The following SAMSN1 variants were observed in gnomAD, a reference collection of about 807,000 sequenced individuals.
The protein encoded by SAMSN1 is SAM domain, SH3 domain and nuclear localization signals 1.
SAMSN1 carries 31 observed loss-of-function variants against 42.0 expected under a neutral mutation model. That is an observed-to-expected ratio of 0.74 (90% confidence interval 0.55 to 1.00). SAMSN1 has a LOEUF of 1.00. Among genes scored for constraint, SAMSN1 ranks in the 50% least tolerant of loss-of-function variants. The pLI, the probability that SAMSN1 is intolerant of heterozygous loss-of-function variation, is 0.00. For missense variants in SAMSN1, 464 were observed against 439.4 expected, an observed-to-expected ratio of 1.06 and a Z score of -0.50; for synonymous variants, 178 against 151.9, an observed-to-expected ratio of 1.17 and a Z score of -1.26.
At chr21:14,574,880 CT>C (rs1237721566) in intron 2 of SAMSN1, among the ~76,000 whole-genome samples, 1 of 151,890 alleles carries the variant, frequency 6.6e-6, no homozygotes, top group Non-Finnish European at 1.5e-5. Context: ...ACAAGCTCTT[CT>C]TTATCTAATA....
chr21:14,546,066 G>A (rs901729575), intron 1 of SAMSN1, 139 bp downstream of exon 1: 20 of 673,682 alleles, frequency 3.0e-5, no homozygotes, highest in South Asian at 2.3e-4. Flanking sequence ...TAATTTTTCC[G>A]TATTTGCCAT....
intron 2 of SAMSN1, among the ~76,000 whole-genome samples, chr21:14,557,585 T>C (rs1162904575): frequency 6.6e-6 from 1 of 152,208 alleles, no homozygotes; most frequent in Non-Finnish European, 1.5e-5. Context: ...TATTTGAATA[T>C]GCTATTTATC....
intron 6 of SAMSN1, among the ~76,000 whole-genome samples, chr21:14,499,189 A>C (rs903838832): frequency 6.6e-5 from 10 of 152,180 alleles, no homozygotes; most frequent in African/African-American, 2.4e-4. Flanking sequence ...GCATAGAAGC[A>C]CTGTAGTTGG....
chr21:14,586,265 AAAAAAAAAAAAAAG>A (rs1981913678), upstream of SAMSN1, among the ~76,000 whole-genome samples: 1 of 148,522 alleles, frequency 6.7e-6, no homozygotes, highest in South Asian at 2.1e-4. Context: ...TCCATCTCAA[AAAAAAAAAAAAAAG>A]AAAAAGAAAA....
intron 6 of SAMSN1, among the ~76,000 whole-genome samples, chr21:14,601,744 T>C (rs74324558): frequency 0.026 from 3,999 of 152,340 alleles, 107 homozygotes; most frequent in South Asian, 0.082. Context: ...AACATCCCAG[T>C]ATATTAATTT....
chr21:14,616,031 A>C (rs1386734565), intron 2 of SAMSN1: 1 of 587,258 alleles, frequency 1.7e-6, no homozygotes, highest in Non-Finnish European at 3.1e-6. Context: ...AAAATAAAAT[A>C]AAATGAATAA....
At chr21:14,563,460 A>G (rs1703654013) in intron 2 of SAMSN1, among the ~76,000 whole-genome samples, 1 of 152,214 alleles carries the variant, frequency 6.6e-6, no homozygotes, top group South Asian at 2.1e-4. Context: ...TTTAGTATTC[A>G]GTTGTCTTTG....
chr21:14,522,194 T>C lies in SAMSN1; in HGVS notation c.58-973A>G, dbSNP rs186296597. Among the ~76,000 whole-genome samples, 476 of 152,332 alleles carry C rather than the reference T, an allele frequency of 3.1e-3. 3 individuals are homozygous for C. Among genetic ancestry groups the C allele is most frequent in the African/African-American group, 0.011 (443 of 41,572 alleles). On this transcript the variant is annotated intron_variant, in intron 1 of 7. Transcript: ENST00000400566. ...TTTGCTTACAAAGCTACATTTTTATTATGCAACTCAATGTAGGCAGGCAAT... is the reference window on the plus strand; with the variant it reads ...TTTGCTTACAAAGCTACATTTTTATCATGCAACTCAATGTAGGCAGGCAAT...
At chr21:14,616,553 G>A (rs553635666) in intron 2 of SAMSN1, among the ~76,000 whole-genome samples, 1 of 152,146 alleles carries the variant, frequency 6.6e-6, no homozygotes, top group South Asian at 2.1e-4. Flanking sequence ...TGACCATTGT[G>A]TAAAATCCCT....
intron 1 of SAMSN1, among the ~76,000 whole-genome samples, chr21:14,545,317 A>C (rs917836769): frequency 1.3e-5 from 2 of 152,142 alleles, no homozygotes; most frequent in Non-Finnish European, 2.9e-5. Flanking sequence ...ATGGGTGCCT[A>C]ACATATAAAG....
At chr21:14,606,635 A>G (rs1047036001) in intron 5 of SAMSN1, among the ~76,000 whole-genome samples, 1 of 152,206 alleles carries the variant, frequency 6.6e-6, no homozygotes, top group Non-Finnish European at 1.5e-5. Flanking sequence ...ATTATAGATT[A>G]ATTTCTCCTC....
chr21:14,585,606 A>G (rs1464350764), upstream of SAMSN1: 1 of 152,098 alleles, frequency 6.6e-6, no homozygotes, highest in East Asian at 1.9e-4. Flanking sequence ...TTCACATTCT[A>G]TTGTAGCCTT....
chr21:14,594,568 A>G (rs982535684), intron 6 of SAMSN1: 2 of 152,308 alleles, frequency 1.3e-5, no homozygotes, highest in African/African-American at 4.8e-5. Flanking sequence ...ATTTGGATTA[A>G]TATCTCAAGT....
At chr21:14,580,819 C>G (rs1332596617) in intron 2 of SAMSN1, among the ~76,000 whole-genome samples, 1 of 152,112 alleles carries the variant, frequency 6.6e-6, no homozygotes, top group African/African-American at 2.4e-5. Flanking sequence ...GAGACTGATT[C>G]TTTGAGGAAA....
chr21:14,498,387 C>T (rs1174684855), intron 7 of SAMSN1, 55 bp downstream of exon 7: 2 of 1,444,336 alleles, frequency 1.4e-6, no homozygotes, highest in Non-Finnish European at 1.9e-6. Flanking sequence ...AATGATTATA[C>T]TATTTACATT....
chr21:14,580,432 G>T (rs9305391), intron 2 of SAMSN1, among the ~76,000 whole-genome samples: 2 of 152,152 alleles, frequency 1.3e-5, no homozygotes, highest in East Asian at 1.9e-4. Flanking sequence ...ACTTGCCAAG[G>T]AGTCATCAGC....
intron 1 of SAMSN1, among the ~76,000 whole-genome samples, chr21:14,650,662 G>T (rs1259769320): frequency 6.6e-6 from 1 of 151,710 alleles, no homozygotes; most frequent in African/African-American, 2.4e-5. Flanking sequence ...CAAATTAGTA[G>T]AAGAAACAAA....
At chr21:14,506,276 C>T (rs1175260091) in intron 5 of SAMSN1, among the ~76,000 whole-genome samples, 1 of 151,980 alleles carries the variant, frequency 6.6e-6, no homozygotes, top group Non-Finnish European at 1.5e-5. Context: ...ATAAATGAAA[C>T]AAAAAGCTGT....
chr21:14,617,457 A>T lies in SAMSN1; in HGVS notation c.157-1441T>A, dbSNP rs118141501. ...TTTGTGACAATCATGAGGAAAGAGG[A>T]TGGCCATCCATCTTTATAGTAGTGT... On this transcript the variant is annotated intron_variant, in intron 2 of 15. Transcript: ENST00000647101. Among the ~76,000 whole-genome samples, 585 of 152,288 alleles carry T rather than the reference A, an allele frequency of 3.8e-3. 4 individuals are homozygous for T. The highest frequency in any genetic ancestry group is 6.6e-3 in the Non-Finnish European group (451 of 68,026).
Sources: allele counts gnomAD v4.1 joint callset (sites outside exome capture counted in the v4.1 genomes callset), GRCh38; gene constraint gnomAD v4.1.1; transcripts MANE v1.5; gene names NCBI Gene and HGNC (gene_info 2026-07-23, HGNC 2026-07-21).